The following USP46 variants were observed in gnomAD, a reference collection of about 807,000 sequenced individuals.
The protein encoded by USP46 is ubiquitin carboxyl-terminal hydrolase 46.
In USP46, 12 loss-of-function variants were observed where a neutral mutation model predicts 44.4. The observed-to-expected ratio is 0.27, with a 90% CI of 0.17 to 0.44. The LOEUF is 0.44. USP46 is among the 20% of genes least tolerant of loss of function. USP46 has a pLI of 1.00. For missense variants in USP46, 248 were observed against 444.8 expected (o/e 0.56, Z 3.98); for synonymous variants, 155 against 161.5 (o/e 0.96, Z 0.31).
chr4:52,618,872 T>C (rs1303275644), intron 4 of USP46, among the ~76,000 whole-genome samples: 1 of 152,156 alleles, frequency 6.6e-6, no homozygotes, highest in Non-Finnish European at 1.5e-5. Context: ...AACAAAGCAA[T>C]GAGGAGCTGT....
chr4:52,608,100 A>G (rs1344986559), intron 5 of USP46, among the ~76,000 whole-genome samples: 1 of 152,194 alleles, frequency 6.6e-6, no homozygotes. Flanking sequence ...GGAAGGAGAG[A>G]AAGAGAAGAA....
chr4:52,621,902 A>G (rs1010167982), intron 4 of USP46, among the ~76,000 whole-genome samples: 3 of 152,356 alleles, frequency 2.0e-5, no homozygotes, highest in East Asian at 1.9e-4. Flanking sequence ...GTATATTCCT[A>G]CAATGGTATA....
intron 4 of USP46, among the ~76,000 whole-genome samples, chr4:52,620,551 A>G (rs577020711): frequency 4.6e-5 from 7 of 152,254 alleles, no homozygotes; most frequent in Non-Finnish European, 1.5e-5. Context: ...AAATGTGGGA[A>G]AAAAACCCCA....
At position 52,592,907 on chromosome 4, in the gene USP46, A is replaced by G. The variant is rs1377686742; in HGVS notation, c.*4733T>C. On this transcript the variant is annotated 3_prime_UTR_variant, in exon 9 of 9. Transcript: ENST00000441222. ...TCTCTTCCTCTTGCTCCTGCCATGT[A>G]AGATGGGCTTGCTTTCCCTTTGCCT... is the stretch of plus-strand genomic sequence containing the variant. 5.0e-6 allele frequency: 2 copies of G among 398,400 alleles called. No homozygotes were observed. Among genetic ancestry groups the G allele is most frequent in the Non-Finnish European group, 8.8e-6 (2 of 226,170 alleles). The allele number at this position is 398,400 out of a possible 1,614,324, so 24.7% of individuals were successfully genotyped here. A position where few individuals can be genotyped will look rare whatever the true frequency, so the allele number is the denominator to read the frequency against.
intron 1 of USP46, among the ~76,000 whole-genome samples, chr4:52,632,542 C>T (rs927860978): frequency 2.6e-5 from 4 of 151,970 alleles, no homozygotes; most frequent in Non-Finnish European, 4.4e-5. Context: ...AAGTTTTGGC[C>T]GGACATGGTG....
intron 1 of USP46, among the ~76,000 whole-genome samples, chr4:52,639,700 G>C (rs1718256228): frequency 6.6e-6 from 1 of 152,034 alleles, no homozygotes; most frequent in South Asian, 2.1e-4. Context: ...GAAATGAAAA[G>C]TGAATTTTTT....
At chr4:52,627,781 G>A (rs1253260379) in intron 3 of USP46, among the ~76,000 whole-genome samples, 169 bp downstream of exon 3, 8 of 152,178 alleles carry the variant, frequency 5.3e-5, no homozygotes, top group Non-Finnish European at 8.8e-5. Flanking sequence ...TTTGTTTTAA[G>A]TTTACTGGGC....
chr4:52,651,881 CTA>C (rs1232812536), intron 1 of USP46, among the ~76,000 whole-genome samples: 1 of 152,192 alleles, frequency 6.6e-6, no homozygotes, highest in African/African-American at 2.4e-5. Flanking sequence ...CAGTGCTACT[CTA>C]TTATCTTTTT....
intron 5 of USP46, among the ~76,000 whole-genome samples, chr4:52,607,373 ACAATGGTATAGGAAACTCTT>A (rs1716727787): frequency 6.6e-6 from 1 of 152,232 alleles, no homozygotes; most frequent in Non-Finnish European, 1.5e-5. Flanking sequence ...AAAGTGGGCA[ACAATGGTATAGGAAACTCTT>A]CAATGAGAAA....
rs754020803 is a variant in USP46, at chr4:52,628,103, G to A, written c.178C>T (p.Arg60Trp). ...GCCTTGTATGCCAACACATTCTCCC[G>A]GAATGGACGGCAGAAGTACAATGCC... Reference protein sequence around the residue: ...LQALYFCRPFRENVLAYKAQQ... With the variant: ...LQALYFCRPFWENVLAYKAQQ... The change falls in exon 3 of 9, where the codon CGG becomes TGG. Residue 60 changes from arginine (R) to tryptophan (W), a missense_variant. Transcript: ENST00000441222. The A allele has an allele frequency of 5.6e-6, 9 of 1,613,882 alleles. No individual in the cohort carries two copies. Among genetic ancestry groups the A allele is most frequent in the South Asian group, 1.1e-5 (1 of 91,074 alleles).
chr4:52,604,412 G>A (rs1291908170), intron 6 of USP46, 89 bp downstream of exon 6: 35 of 1,053,638 alleles, frequency 3.3e-5, no homozygotes, highest in African/African-American at 4.9e-5. Flanking sequence ...CCAGGTAGCT[G>A]AGATTGATTC....
chr4:52,628,491 A>G (rs756134667), intron 2 of USP46: 9 of 223,868 alleles, frequency 4.0e-5, no homozygotes, highest in Non-Finnish European at 8.0e-5. Context: ...GGGGAAAAAA[A>G]TCTACATACT....
chr4:52,599,227 G>A (rs1716358949), intron 7 of USP46, among the ~76,000 whole-genome samples: 1 of 140,782 alleles, frequency 7.1e-6, no homozygotes. Flanking sequence ...TGAGTAGAAG[G>A]AAATTTCCCT....
In USP46 at chr4:52,602,115, A is replaced by G. The variant is rs139891830; in HGVS notation, c.723-61T>C. 308 of 1,530,560 alleles carry G rather than the reference A, an allele frequency of 2.0e-4. No individual in the cohort carries two copies. The African/African-American group carries it at 2.9e-3, about 15-fold the overall frequency. The allele number at this position is 1,530,560 out of a possible 1,614,324, so 94.8% of individuals were successfully genotyped here. A position where few individuals can be genotyped will look rare whatever the true frequency, so the allele number is the denominator to read the frequency against. The stretch of plus-strand genomic sequence containing the variant: ...AACACCTATTAGGGGAAGAGAATAC[A>G]CTGTCATCTGCACAAACAGAATAGT... On this transcript the variant is annotated intron_variant, in intron 6 of 8. Coordinates refer to ENST00000441222, the MANE Select transcript of USP46 (RefSeq NM_022832.4).
At chr4:52,632,994 G>GAAAA (rs1228732494) in intron 1 of USP46, among the ~76,000 whole-genome samples, 1,920 of 90,306 alleles carry the variant, frequency 0.021, 27 homozygotes, top group South Asian at 0.048. Context: ...GAAAAGAAAA[G>GAAAA]AAAGAAAGAA....
Position 52,597,318 on chromosome 4 carries a change from T to C in USP46, c.*322A>G, listed in dbSNP as rs1409860984. ...TTTAGCAAACACCTAAAACAGACCG[T>C]AGACATTCATAGGAAATGTCATTCT... On this transcript the variant is annotated 3_prime_UTR_variant, in exon 9 of 9. Coordinates refer to ENST00000441222, the MANE Select transcript of USP46 (RefSeq NM_022832.4). The C allele has an allele frequency of 1.2e-5, 3 of 254,504 alleles. No individual in the cohort carries two copies. Among genetic ancestry groups the C allele is most frequent in the Non-Finnish European group, 2.2e-5 (3 of 134,130 alleles). The allele number at this position is 254,504 out of a possible 1,614,324, so 15.8% of individuals were successfully genotyped here.
At chr4:52,612,019 T>A (rs991582960) in intron 4 of USP46, among the ~76,000 whole-genome samples, 2 of 152,172 alleles carry the variant, frequency 1.3e-5, no homozygotes, top group African/African-American at 4.8e-5. Flanking sequence ...TGTTTCCTCA[T>A]CTGTAAAGTG....
intron 1 of USP46, chr4:52,658,182 G>A (rs1423495994): frequency 2.2e-6 from 1 of 455,168 alleles, no homozygotes; most frequent in Non-Finnish European, 4.4e-6. Flanking sequence ...ACCCTGCAAG[G>A]GACAGCAATG....
chr4:52,657,455 G>C (rs1004951573), intron 1 of USP46, among the ~76,000 whole-genome samples: 1 of 152,190 alleles, frequency 6.6e-6, no homozygotes, highest in Non-Finnish European at 1.5e-5. Flanking sequence ...TCTACACAGA[G>C]AGGTGTAACC....
Sources: gnomAD v4.1 joint callset for allele counts (sites outside exome capture counted in the v4.1 genomes callset) on GRCh38, gnomAD v4.1.1 for gene constraint, MANE v1.5 for transcripts, NCBI Gene and HGNC (gene_info 2026-07-23, HGNC 2026-07-21) for gene names.